Variants in EBF4 observed in about 807,000 individuals in gnomAD.
The protein encoded by EBF4 is EBF transcription factor 4, also known as transcription factor COE4.
A neutral mutation model predicts 67.1 loss-of-function variants in EBF4; 34 were observed. That is an observed-to-expected ratio of 0.51 (90% CI 0.39 to 0.67). The LOEUF is 0.67. EBF4 is among the 30% of genes least tolerant of loss of function. The pLI is 0.00. For missense variants in EBF4, 837 were observed against 873.3 expected, an observed-to-expected ratio of 0.96 and a Z score of 0.52; for synonymous variants, 387 against 377.7, an observed-to-expected ratio of 1.02 and a Z score of -0.29.
At chr20:2,749,714 G>A (rs1405692447) in exon 9 of EBF4, 4 of 1,553,596 alleles carry the variant, frequency 2.6e-6, no homozygotes, top group Non-Finnish European at 3.5e-6. Flanking sequence ...TCTTCGACGG[G>A]TTGCAGGTCG....
rs551481972 is a variant in EBF4 at position 2,739,299 on chromosome 20, G to A, written c.558-9250G>A. ...TCAGTCTTGTCAGGCACCACTGATCGAGTGAGCCGTCTGCCCCGTGGTGGA... is the reference window on the plus strand; with the variant it reads ...TCAGTCTTGTCAGGCACCACTGATCAAGTGAGCCGTCTGCCCCGTGGTGGA... On this transcript the variant is annotated intron_variant, in intron 6 of 16. Coordinates refer to ENST00000609451, the Ensembl canonical transcript of EBF4. The surrounding 1 kb of genome is among the most constrained non-coding windows in gnomAD (Gnocchi z 4.5). Among the ~76,000 whole-genome samples the A allele has an allele frequency of 3.9e-5, 6 of 151,922 alleles. No individual in the cohort carries two copies. Among genetic ancestry groups the A allele is most frequent in the South Asian group, 2.1e-4 (1 of 4,804 alleles).
chr20:2,759,008 C>T, intron 16 of EBF4, 24 bp downstream of exon 16: 1 of 1,546,208 alleles, frequency 6.5e-7, no homozygotes. Context: ...TGGGTCTGGC[C>T]TCCCCCGCCC....
At chr20:2,757,705 G>C (rs968604694) in intron 15 of EBF4, among the ~76,000 whole-genome samples, 1 of 152,310 alleles carries the variant, frequency 6.6e-6, no homozygotes, top group African/African-American at 2.4e-5. Context: ...CTAGCACTTT[G>C]GCAGGCCGAG....
At chr20:2,718,415 G>A (rs1005956066) in intron 6 of EBF4, among the ~76,000 whole-genome samples, 1 of 152,032 alleles carries the variant, frequency 6.6e-6, no homozygotes, top group African/African-American at 2.4e-5. Context: ...AGCCATCTGG[G>A]GCTGGAGTTT....
chr20:2,755,294 T>C lies in EBF4; in HGVS notation c.1541-333T>C. The C allele has an allele frequency of 3.3e-6, 1 of 301,820 alleles. No individual in the cohort carries two copies. The highest frequency in any genetic ancestry group is 6.2e-6 in the Non-Finnish European group (1 of 162,482). 18.7% of individuals were successfully genotyped at this position (301,820 alleles called of 1,614,324 possible). A position where few individuals can be genotyped will look rare whatever the true frequency, so the allele number is the denominator to read the frequency against. ...TCCTAGCATCTCAGAATCCCAGGGG[T>C]TTTCAGCAGAAATCCTGAAGTAGTC... On this transcript the variant is annotated intron_variant, in intron 14 of 16. Transcript: ENST00000609451. The surrounding 1 kb of genome is among the most constrained non-coding windows in gnomAD (Gnocchi z 4.7).
chr20:2,736,456 C>G (rs542556895), intron 6 of EBF4, among the ~76,000 whole-genome samples: 6 of 152,288 alleles, frequency 3.9e-5, no homozygotes, highest in Non-Finnish European at 5.9e-5. Context: ...CAGCCCCCTT[C>G]CTAATCCACT....
intron 6 of EBF4, among the ~76,000 whole-genome samples, chr20:2,737,783 C>T (rs1234377864): frequency 2.0e-5 from 3 of 148,438 alleles, no homozygotes; most frequent in Non-Finnish European, 3.0e-5. Flanking sequence ...CCAGCCTGGC[C>T]AACATGGTGA....
At chr20:2,723,629 T>C (rs895812572) in intron 6 of EBF4, among the ~76,000 whole-genome samples, 3 of 152,136 alleles carry the variant, frequency 2.0e-5, no homozygotes, top group African/African-American at 7.2e-5. Flanking sequence ...GATTACAGGC[T>C]TGAGCCACCG....
Position 2,732,823 on chromosome 20 carries a change from A to ATTT in EBF4, c.558-15719_558-15717dup, listed in dbSNP as rs3053392. On this transcript the variant is annotated intron_variant, in intron 6 of 16. Transcript: ENST00000609451. ...TTTTCTTTTATTTTTTCTTTTTCTT[A>ATTT]TTTTTTTTTGAGACGGAATTATAAA... 7.5e-3 allele frequency among the ~76,000 whole-genome samples: 1,029 copies of ATTT among 137,966 alleles called. 10 individuals are homozygous for ATTT. Among genetic ancestry groups the ATTT allele is most frequent in the African/African-American group, 0.026 (954 of 36,878 alleles). The allele number at this position is 137,966 out of a possible 152,430, so 90.5% of individuals were successfully genotyped here. A position where few individuals can be genotyped will look rare whatever the true frequency, so the allele number is the denominator to read the frequency against.
chr20:2,729,518 C>G (rs1325752375), intron 6 of EBF4, among the ~76,000 whole-genome samples: 1 of 152,110 alleles, frequency 6.6e-6, no homozygotes, highest in African/African-American at 2.4e-5. Context: ...TTGAAGCTCC[C>G]CTACTAGGCC....
At chr20:2,718,982 G>C (rs1260612410) in intron 6 of EBF4, among the ~76,000 whole-genome samples, 2 of 152,098 alleles carry the variant, frequency 1.3e-5, no homozygotes, top group Non-Finnish European at 2.9e-5. Flanking sequence ...TTTTTATTCA[G>C]TTTAGAATGC....
At chr20:2,698,945 T>C (rs1038741385) in intron 1 of EBF4, among the ~76,000 whole-genome samples, 43 of 152,230 alleles carry the variant, frequency 2.8e-4, no homozygotes, top group African/African-American at 8.7e-4. Flanking sequence ...CTCTGTGGGA[T>C]TTGAGCTGGC....
chr20:2,734,496 A>G (rs2087853325), intron 6 of EBF4, among the ~76,000 whole-genome samples: 1 of 152,174 alleles, frequency 6.6e-6, no homozygotes, highest in Non-Finnish European at 1.5e-5. Flanking sequence ...CTTTATTACA[A>G]TGTATGGGTC....
intron 6 of EBF4, among the ~76,000 whole-genome samples, chr20:2,715,405 A>G (rs1217306025): frequency 1.3e-5 from 2 of 152,240 alleles, no homozygotes; most frequent in Non-Finnish European, 2.9e-5. Context: ...TTTTGCTATT[A>G]TAAGCAAAGC....
chr20:2,701,154 G>C (rs779780428), intron 1 of EBF4, among the ~76,000 whole-genome samples: 1 of 152,220 alleles, frequency 6.6e-6, no homozygotes, highest in Non-Finnish European at 1.5e-5. Flanking sequence ...GCTGCTCCAT[G>C]GGTGGGTGTG....
At chr20:2,715,646 G>T (rs897022368) in intron 6 of EBF4, among the ~76,000 whole-genome samples, 1 of 152,134 alleles carries the variant, frequency 6.6e-6, no homozygotes, top group African/African-American at 2.4e-5. Flanking sequence ...ACTTCTTATC[G>T]TTTGCCAATC....
Position 2,755,726 on chromosome 20 carries a change from TCTCCGCC to T in EBF4, c.1641_1647del (p.Ile547MetfsTer?). 1 of 1,550,692 alleles carries T rather than the reference TCTCCGCC, an allele frequency of 6.4e-7. No individual in the cohort carries two copies. The highest frequency in any genetic ancestry group is 8.7e-7 in the Non-Finnish European group (1 of 1,146,860). On this transcript the variant is annotated frameshift_variant, in exon 15 of 17. Coordinates refer to ENST00000609451, the Ensembl canonical transcript of EBF4. LOFTEE classifies it high-confidence loss of function. The surrounding 1 kb of genome is among the most constrained non-coding windows in gnomAD (Gnocchi z 4.7). ...TTCTCCTTCTCGCCTGTCAACATGA[TCTCCGCC>T]GTCAAACAGAGGAGCGCCTTCGCCC...
chr20:2,740,312 CA>C (rs145237186), intron 6 of EBF4, among the ~76,000 whole-genome samples: 46 of 149,154 alleles, frequency 3.1e-4, no homozygotes, highest in East Asian at 2.7e-3. Context: ...GACTCCGTTT[CA>C]AAAAAAAAAT....
chr20:2,694,109 C>A (rs1385363588), intron 1 of EBF4, among the ~76,000 whole-genome samples: 1 of 152,258 alleles, frequency 6.6e-6, no homozygotes, highest in Non-Finnish European at 1.5e-5. Flanking sequence ...CCACAGCCAC[C>A]GGCCGTCTAG....
Sources: allele counts gnomAD v4.1 joint callset (sites outside exome capture counted in the v4.1 genomes callset), GRCh38; gene constraint gnomAD v4.1.1; non-coding constraint Gnocchi (gnomAD v3.1); transcripts MANE v1.5; gene names NCBI Gene and HGNC (gene_info 2026-07-23, HGNC 2026-07-21).